NBAS: variants seen among roughly 807,000 people sequenced by gnomAD.
The protein encoded by NBAS is NAG/BC035112 fusion.
A neutral mutation model predicts 302.5 loss-of-function variants in NBAS; 219 were observed. The observed-to-expected ratio is 0.72, with a 90% confidence interval of 0.65 to 0.81. The LOEUF is 0.81. Ranked by LOEUF, NBAS falls within the 30% of genes least tolerant of loss-of-function variation. The probability of loss-of-function intolerance (pLI) is 0.00; values close to 1 mark genes in which losing one functional copy is unlikely to be tolerated. For synonymous variants in NBAS, 1,118 were observed against 1,021.6 expected, an observed-to-expected ratio of 1.09 and a Z score of -1.80; for missense variants, 2,932 against 2,841.6, an observed-to-expected ratio of 1.03 and a Z score of -0.72.
intron 40 of NBAS, among the ~76,000 whole-genome samples, chr2:15,301,503 C>A (rs962417037): frequency 6.6e-6 from 1 of 152,188 alleles, no homozygotes; most frequent in African/African-American, 2.4e-5. Flanking sequence ...ACCAAGTGAG[C>A]AATCAGTTTG....
the NBAS span, among the ~76,000 whole-genome samples, chr2:14,797,858 C>T: frequency 2.0e-5 from 3 of 152,128 alleles, no homozygotes; most frequent in Non-Finnish European, 4.4e-5. Flanking sequence ...TGAAGTAGCA[C>T]CCGAAAAAGT....
At chr2:15,337,156 A>G (rs1672620746) in intron 35 of NBAS, among the ~76,000 whole-genome samples, 1 of 152,064 alleles carries the variant, frequency 6.6e-6, no homozygotes, top group African/African-American at 2.4e-5. Flanking sequence ...TATATTTAAT[A>G]TTTTAAAAAT....
At chr2:15,409,217 A>T (rs1676565822) in intron 25 of NBAS, among the ~76,000 whole-genome samples, 1 of 152,114 alleles carries the variant, frequency 6.6e-6, no homozygotes, top group African/African-American at 2.4e-5. Context: ...CATTTTTAAG[A>T]TTCTCTCTGT....
At chr2:15,375,694 A>C (rs943532895) in intron 30 of NBAS, among the ~76,000 whole-genome samples, 2 of 152,332 alleles carry the variant, frequency 1.3e-5, no homozygotes, top group African/African-American at 2.4e-5. Flanking sequence ...TCTAAATTAC[A>C]AATAAATTCT....
chr2:15,474,902 C>T (rs1680122365), intron 14 of NBAS, among the ~76,000 whole-genome samples: 1 of 152,132 alleles, frequency 6.6e-6, no homozygotes, highest in South Asian at 2.1e-4. Context: ...CGGTCTTGTA[C>T]ATATAATTAT....
chr2:15,319,701 A>G (rs1671702000), intron 38 of NBAS, among the ~76,000 whole-genome samples: 2 of 151,932 alleles, frequency 1.3e-5, no homozygotes, highest in African/African-American at 4.9e-5. Flanking sequence ...ACCAGGAAGA[A>G]GTTGACTCTT....
intron 35 of NBAS, among the ~76,000 whole-genome samples, chr2:15,349,708 C>T (rs1284205128): frequency 6.6e-6 from 1 of 151,958 alleles, no homozygotes; most frequent in Non-Finnish European, 1.5e-5. Context: ...ATTCCCAGCA[C>T]TTTGGGAGGC....
chr2:15,316,250 C>G (rs1343272731), intron 38 of NBAS, among the ~76,000 whole-genome samples: 2 of 152,216 alleles, frequency 1.3e-5, no homozygotes, highest in African/African-American at 2.4e-5. Flanking sequence ...AACTCTCCCC[C>G]CGTTCCAAGA....
chr2:15,116,529 T>C, the NBAS span, among the ~76,000 whole-genome samples: 137 of 152,312 alleles, frequency 9.0e-4, 2 homozygotes, highest in East Asian at 0.018. Flanking sequence ...TTAATTACCT[T>C]TTTAAAGGTC....
chr2:14,849,292 T>A, the NBAS span, among the ~76,000 whole-genome samples: 7,491 of 152,068 alleles, frequency 0.049, 627 homozygotes, highest in African/African-American at 0.17. Context: ...TGCAGAAGCC[T>A]CAGGAGCCAA....
chr2:15,279,492 C>T (rs760316892), intron 42 of NBAS, among the ~76,000 whole-genome samples: 3 of 152,160 alleles, frequency 2.0e-5, no homozygotes, highest in Non-Finnish European at 4.4e-5. Context: ...ATACTTCATT[C>T]GTAACACCTT....
the NBAS span, among the ~76,000 whole-genome samples, chr2:14,966,564 A>G: frequency 2.0e-5 from 3 of 151,684 alleles, no homozygotes; most frequent in African/African-American, 7.3e-5. Flanking sequence ...GTTTGATTGG[A>G]AAAAAATCCA....
chr2:14,921,320 T>C, the NBAS span, among the ~76,000 whole-genome samples: 1 of 152,122 alleles, frequency 6.6e-6, no homozygotes, highest in Non-Finnish European at 1.5e-5. Flanking sequence ...ACATCAAAGA[T>C]GACTGATCAC....
the NBAS span, among the ~76,000 whole-genome samples, chr2:15,136,603 C>A: frequency 6.6e-6 from 1 of 152,164 alleles, no homozygotes; most frequent in Non-Finnish European, 1.5e-5. Context: ...GTCCTTACCC[C>A]CCTGGTGATG....
chr2:14,969,846 GT>G, the NBAS span, among the ~76,000 whole-genome samples: 341 of 152,218 alleles, frequency 2.2e-3, no homozygotes, highest in African/African-American at 7.9e-3. Context: ...GCTTCGGGTG[GT>G]GGGGGGGATG....
chr2:15,177,780 G>T (rs1233393371), intron 51 of NBAS, among the ~76,000 whole-genome samples: 3 of 152,164 alleles, frequency 2.0e-5, no homozygotes, highest in Non-Finnish European at 2.9e-5. Flanking sequence ...TTTCAGCATA[G>T]ATAGGTGGGA....
the NBAS span, among the ~76,000 whole-genome samples, chr2:15,016,827 A>G: frequency 6.6e-6 from 1 of 152,172 alleles, no homozygotes; most frequent in African/African-American, 2.4e-5. Context: ...CCGTGTATAT[A>G]CAGCCAACTG....
At chr2:14,868,484 C>T in the NBAS span, among the ~76,000 whole-genome samples, 7 of 152,156 alleles carry the variant, frequency 4.6e-5, no homozygotes, top group East Asian at 3.9e-4. Context: ...AGAATATACT[C>T]ATGTAACTGG....
At chr2:14,791,731 G>C in the NBAS span, among the ~76,000 whole-genome samples, 2 of 152,098 alleles carry the variant, frequency 1.3e-5, no homozygotes, top group African/African-American at 4.8e-5. Context: ...TTGAATCCAG[G>C]AGGCGGAGGT....
Sources: gnomAD v4.1 joint callset for allele counts (sites outside exome capture counted in the v4.1 genomes callset) on GRCh38, gnomAD v4.1.1 for gene constraint, MANE v1.5 for transcripts, NCBI Gene and HGNC (gene_info 2026-07-23, HGNC 2026-07-21) for gene names.